The following EDARADD variants were observed in gnomAD, a reference collection of about 807,000 sequenced individuals.
The protein encoded by EDARADD is ectodysplasin-A receptor-associated adapter protein.
EDARADD carries 20 observed loss-of-function variants against 25.6 expected under a neutral mutation model. That is an observed-to-expected ratio of 0.78 (90% CI 0.55 to 1.14). The LOEUF (loss-of-function observed/expected upper bound fraction) is 1.14. Ranked by LOEUF, EDARADD falls within the 50% of genes most tolerant of loss-of-function variation. The pLI is 0.00. For missense variants in EDARADD, 225 were observed against 270.1 expected, an observed-to-expected ratio of 0.83 and a Z score of 1.17; for synonymous variants, 86 against 94.4, an observed-to-expected ratio of 0.91 and a Z score of 0.52.
At chr1:236,402,395 C>A (rs2103003933) in intron 1 of EDARADD, among the ~76,000 whole-genome samples, 1 of 151,960 alleles carries the variant, frequency 6.6e-6, no homozygotes, top group South Asian at 2.1e-4. Flanking sequence ...CCCATCTCTA[C>A]AAAAATAAAA....
intron 1 of EDARADD, among the ~76,000 whole-genome samples, chr1:236,401,660 T>C (rs575443536): frequency 6.6e-5 from 10 of 152,222 alleles, no homozygotes; most frequent in South Asian, 2.1e-4. Flanking sequence ...GATTAACGCT[T>C]TTGGGGATGT....
At chr1:236,437,743 CTTTT>C (rs5781886) in intron 4 of EDARADD, among the ~76,000 whole-genome samples, 2 of 88,106 alleles carry the variant, frequency 2.3e-5, no homozygotes. Context: ...TTGGTTCCTT[CTTTT>C]TTTTTTTTTT....
At chr1:236,451,015 G>A (rs1558128678) in intron 4 of EDARADD, among the ~76,000 whole-genome samples, 1 of 152,080 alleles carries the variant, frequency 6.6e-6, no homozygotes, top group Non-Finnish European at 1.5e-5. Flanking sequence ...CATGGCCACT[G>A]CACAATTACC....
intron 4 of EDARADD, among the ~76,000 whole-genome samples, chr1:236,450,248 C>T (rs1054208280): frequency 1.3e-5 from 2 of 152,010 alleles, no homozygotes; most frequent in Non-Finnish European, 2.9e-5. Flanking sequence ...TCGATATAAT[C>T]GTGCCACCAC....
chr1:236,370,394 C>A (rs891698008), intron 3 of EDARADD, among the ~76,000 whole-genome samples: 2 of 152,080 alleles, frequency 1.3e-5, no homozygotes, highest in African/African-American at 4.8e-5. Context: ...GCACTCCAGC[C>A]TGGGTGACAA....
At chr1:236,366,505 T>C (rs1667113246) in intron 3 of EDARADD, among the ~76,000 whole-genome samples, 1 of 151,294 alleles carries the variant, frequency 6.6e-6, no homozygotes, top group Non-Finnish European at 1.5e-5. Flanking sequence ...CTCTCCACAC[T>C]TGTGATGATT....
chr1:236,364,138 T>TA (rs1440637076), intron 3 of EDARADD, among the ~76,000 whole-genome samples: 1 of 151,966 alleles, frequency 6.6e-6, no homozygotes, highest in African/African-American at 2.4e-5. Context: ...AAATAAAAAA[T>TA]AAAAAAATAA....
chr1:236,440,626 A>G (rs1381602736), intron 4 of EDARADD, among the ~76,000 whole-genome samples: 2 of 148,486 alleles, frequency 1.3e-5, no homozygotes. Flanking sequence ...GTGTCAAGCG[A>G]CTCTTGCTGC....
chr1:236,446,052 A>G (rs1177942202), intron 4 of EDARADD, among the ~76,000 whole-genome samples: 2 of 152,212 alleles, frequency 1.3e-5, no homozygotes, highest in Non-Finnish European at 2.9e-5. Context: ...TGGCACTTAT[A>G]CTTTGAAAGA....
chr1:236,445,540 T>C (rs1167675294), intron 4 of EDARADD, among the ~76,000 whole-genome samples: 1 of 152,194 alleles, frequency 6.6e-6, no homozygotes, highest in African/African-American at 2.4e-5. Flanking sequence ...TAATCAATTC[T>C]TTATTGACTG....
At chr1:236,369,855 CA>C (rs35350100) in intron 3 of EDARADD, among the ~76,000 whole-genome samples, 5 of 150,498 alleles carry the variant, frequency 3.3e-5, no homozygotes, top group South Asian at 2.1e-4. Flanking sequence ...ACCAAAAAAG[CA>C]AAAAAAAATT....
chr1:236,409,543 GT>G (rs201212133), intron 2 of EDARADD, among the ~76,000 whole-genome samples: 5,776 of 151,452 alleles, frequency 0.038, 344 homozygotes, highest in African/African-American at 0.13. Flanking sequence ...CACTTCCCTG[GT>G]TTTTTTTTAT....
chr1:236,456,229 G>A (rs1253615), intron 4 of EDARADD, among the ~76,000 whole-genome samples: 51,799 of 151,986 alleles, frequency 0.34, 10,058 homozygotes, highest in Admixed American at 0.43. Context: ...GAAGCATCGC[G>A]GATCTCCCTT....
intron 1 of EDARADD, among the ~76,000 whole-genome samples, chr1:236,402,323 C>T (rs1343393572): frequency 6.6e-6 from 1 of 152,136 alleles, no homozygotes; most frequent in Admixed American, 6.5e-5. Context: ...GTAATCCCAG[C>T]ATTTTGGGAA....
At chr1:236,370,361 C>T (rs1034206126) in intron 3 of EDARADD, among the ~76,000 whole-genome samples, 10 of 152,058 alleles carry the variant, frequency 6.6e-5, no homozygotes, top group African/African-American at 1.7e-4. Context: ...GCAGAGGTTG[C>T]GGTGAGCCAA....
At chr1:236,479,923 C>CTG (rs10670960) in intron 5 of EDARADD, among the ~76,000 whole-genome samples, 44,808 of 150,402 alleles carry the variant, frequency 0.3, 7,458 homozygotes, top group Non-Finnish European at 0.36. Context: ...TGGTGTGCAC[C>CTG]TAGTCCCAGC....
chr1:236,460,037 A>G (rs992780728), intron 4 of EDARADD, among the ~76,000 whole-genome samples: 1 of 152,142 alleles, frequency 6.6e-6, no homozygotes, highest in Non-Finnish European at 1.5e-5. Flanking sequence ...ATATTTATGC[A>G]TATGTCTTCA....
At position 236,385,089 on chromosome 1, in the gene EDARADD, C is replaced by CTTTTTTTTTTTTTT. The variant is rs34509027; in HGVS notation, c.-5-24123_-5-24110dup. Among the ~76,000 whole-genome samples the CTTTTTTTTTTTTTT allele has an allele frequency of 6.2e-3, 761 of 121,782 alleles. 37 individuals carry two copies. Among genetic ancestry groups the CTTTTTTTTTTTTTT allele is most frequent in the African/African-American group, 0.024 (710 of 29,592 alleles). 79.9% of individuals were successfully genotyped at this position (121,782 alleles called of 152,430 possible). On this transcript the variant is annotated intron_variant, in intron 3 of 7. Transcript: ENST00000439430. ...GATTTTTATTCTATGCCTTTTGATT[C>CTTTTTTTTTTTTTT]TTTTTTTTTTTTTTTTTGCCTTAAG...
At chr1:236,406,180 A>C (rs954874083) in intron 1 of EDARADD, among the ~76,000 whole-genome samples, 1 of 151,890 alleles carries the variant, frequency 6.6e-6, no homozygotes, top group Non-Finnish European at 1.5e-5. Flanking sequence ...TGAAGATGAA[A>C]TATGTGAGAC....
Sources: allele counts gnomAD v4.1 joint callset (sites outside exome capture counted in the v4.1 genomes callset), GRCh38; gene constraint gnomAD v4.1.1; transcripts MANE v1.5; gene names NCBI Gene and HGNC (gene_info 2026-07-23, HGNC 2026-07-21).